FARS2: variants seen among roughly 807,000 people sequenced by gnomAD.
FARS2 encodes the protein phenylalanine--tRNA ligase, mitochondrial.
FARS2 carries 40 observed loss-of-function variants against 46.4 expected under a neutral mutation model. That is an observed-to-expected ratio of 0.86 (90% CI 0.67 to 1.12). FARS2 has a LOEUF of 1.12. Among genes scored for constraint, FARS2 ranks in the 50% most tolerant of loss-of-function variants. FARS2 has a pLI of 0.00. For missense variants in FARS2, 513 were observed against 567.9 expected (o/e 0.90, Z 0.98); for synonymous variants, 234 against 214.9 (o/e 1.09, Z -0.78).
intron 4 of FARS2, among the ~76,000 whole-genome samples, chr6:5,443,417 A>G (rs1387746803): frequency 6.6e-6 from 1 of 152,240 alleles, no homozygotes; most frequent in African/African-American, 2.4e-5. Flanking sequence ...ACTGTCTGCT[A>G]TGAGAAGAAT....
chr6:5,386,925 A>G (rs1760170794), intron 2 of FARS2, among the ~76,000 whole-genome samples: 2 of 152,292 alleles, frequency 1.3e-5, no homozygotes, highest in Middle Eastern at 3.4e-3. Context: ...AGTTGGAGCT[A>G]TCAGTTTAGC....
chr6:5,685,371 G>A (rs920999913), intron 6 of FARS2, among the ~76,000 whole-genome samples: 1 of 152,166 alleles, frequency 6.6e-6, no homozygotes, highest in Non-Finnish European at 1.5e-5. Flanking sequence ...TCCAATGGCT[G>A]GCTTCAGAAC....
intron 3 of FARS2, among the ~76,000 whole-genome samples, chr6:5,408,356 G>A (rs1761736690): frequency 6.6e-6 from 1 of 152,064 alleles, no homozygotes; most frequent in African/African-American, 2.4e-5. Context: ...AGAAGAATGG[G>A]GTGAAAAATG....
chr6:5,670,712 A>G (rs1274925653), intron 6 of FARS2, among the ~76,000 whole-genome samples: 1 of 152,226 alleles, frequency 6.6e-6, no homozygotes, highest in Non-Finnish European at 1.5e-5. Context: ...ATTAGTATGC[A>G]CAGCACTGAA....
intron 4 of FARS2, among the ~76,000 whole-genome samples, chr6:5,463,755 C>T (rs1031769933): frequency 3.3e-5 from 5 of 151,826 alleles, no homozygotes; most frequent in Admixed American, 6.6e-5. Flanking sequence ...TTTCTGTTGC[C>T]CTGTGCATGA....
chr6:5,726,982 A>G (rs1210412711), intron 6 of FARS2, among the ~76,000 whole-genome samples: 1 of 152,228 alleles, frequency 6.6e-6, no homozygotes, highest in Non-Finnish European at 1.5e-5. Flanking sequence ...GCACAGTTCA[A>G]ATACCTTCGT....
At position 5,424,312 on chromosome 6, in the gene FARS2, A is replaced by C. The variant is rs114638101; in HGVS notation, c.773-6729A>C. The stretch of plus-strand genomic sequence containing the variant: ...TTTGGCAATATTTATTAAAATCATA[A>C]AAGCATTTACTCTTCAACTCAACAG... On this transcript the variant is annotated intron_variant, in intron 3 of 6. Transcript: ENST00000274680. Among the ~76,000 whole-genome samples, 676 of 152,328 alleles carry C rather than the reference A, an allele frequency of 4.4e-3. 3 individuals carry two copies. Among genetic ancestry groups the C allele is most frequent in the Non-Finnish European group, 6.3e-3 (428 of 68,018 alleles).
At chr6:5,390,047 G>A (rs1442831998) in intron 2 of FARS2, among the ~76,000 whole-genome samples, 1 of 151,952 alleles carries the variant, frequency 6.6e-6, no homozygotes, top group Non-Finnish European at 1.5e-5. Flanking sequence ...TATTTTTAGT[G>A]GAGATGGGGT....
intron 6 of FARS2, among the ~76,000 whole-genome samples, chr6:5,729,790 G>A (rs2150934483): frequency 6.6e-6 from 1 of 152,284 alleles, no homozygotes; most frequent in Non-Finnish European, 1.5e-5. Flanking sequence ...AGTATAAAAT[G>A]ACTCCTATGC....
intron 6 of FARS2, among the ~76,000 whole-genome samples, chr6:5,636,185 A>G (rs943103502): frequency 3.9e-5 from 6 of 152,196 alleles, no homozygotes; most frequent in African/African-American, 1.4e-4. Context: ...AACACTGGTT[A>G]TTGCTAACAA....
intron 5 of FARS2, among the ~76,000 whole-genome samples, chr6:5,601,923 G>A (rs1351868966): frequency 6.6e-6 from 1 of 152,206 alleles, no homozygotes; most frequent in African/African-American, 2.4e-5. Context: ...CGTGGCCATG[G>A]TTAGAAGCTG....
At chr6:5,551,379 T>C (rs1183659501) in intron 5 of FARS2, among the ~76,000 whole-genome samples, 1 of 152,228 alleles carries the variant, frequency 6.6e-6, no homozygotes, top group Non-Finnish European at 1.5e-5. Context: ...AGGTTTTCTC[T>C]ACCATGCTCC....
intron 1 of FARS2, among the ~76,000 whole-genome samples, chr6:5,306,941 T>TA (rs146240664): frequency 0.17 from 24,690 of 149,446 alleles, 3,003 homozygotes; most frequent in African/African-American, 0.35. Flanking sequence ...TCTGAAAAAC[T>TA]AAAAAAAAAA....
rs543041829 is a variant in FARS2 at position 5,299,431 on chromosome 6, T to C, written c.-22+37771T>C. ...GCCCCTTCTGGGCCCCTGGGATTTG[T>C]TTAAAATTACAGAGCTGTATCGGTA... On this transcript the variant is annotated intron_variant, in intron 1 of 6. Coordinates refer to ENST00000274680, the MANE Select transcript of FARS2 (RefSeq NM_006567.5). Among the ~76,000 whole-genome samples the C allele has an allele frequency of 2.6e-5, 4 of 152,356 alleles. No homozygotes were observed. In the South Asian group the frequency reaches 8.3e-4, roughly 32 times the overall value.
rs566949487 is a variant in FARS2, at chr6:5,333,816, G to A, written c.-21-34734G>A. On this transcript the variant is annotated intron_variant, in intron 1 of 6. Transcript: ENST00000274680. ...ATTCTCTATTGACTTGAGCTCTGCC[G>A]TTGTGCACTTTGTACATCATCTACC... 1.2e-4 allele frequency among the ~76,000 whole-genome samples: 18 copies of A among 152,242 alleles called. No homozygotes were observed. In the East Asian group the frequency reaches 2.7e-3, roughly 23 times the overall value.
At chr6:5,414,963 C>T (rs528041178) in intron 3 of FARS2, among the ~76,000 whole-genome samples, 3 of 151,694 alleles carry the variant, frequency 2.0e-5, no homozygotes, top group South Asian at 4.2e-4. Flanking sequence ...TACAGGCACC[C>T]GCCACCATGC....
intron 5 of FARS2, among the ~76,000 whole-genome samples, chr6:5,567,627 A>C (rs1161672317): frequency 1.3e-5 from 2 of 152,226 alleles, no homozygotes; most frequent in East Asian, 3.8e-4. Context: ...TAGGTCCTAC[A>C]TGTTAAGATT....
chr6:5,292,236 T>C (rs976476516), intron 1 of FARS2, among the ~76,000 whole-genome samples: 5 of 152,238 alleles, frequency 3.3e-5, no homozygotes, highest in Admixed American at 1.3e-4. Flanking sequence ...AAATAAATTA[T>C]GAAGGCAAAA....
rs115854452 is a variant in FARS2, at chr6:5,684,473, G to A, written c.1217+71153G>A. On this transcript the variant is annotated intron_variant, in intron 6 of 6. Coordinates refer to ENST00000274680, the MANE Select transcript of FARS2 (RefSeq NM_006567.5). ...TCTCTGAGGATTTCTGCCAACTAAG[G>A]TGATTCGCTTGTTTTCATGATCACT... 2.3e-3 allele frequency among the ~76,000 whole-genome samples: 356 copies of A among 152,280 alleles called. 2 individuals carry two copies. The highest frequency in any genetic ancestry group is 8.2e-3 in the African/African-American group (342 of 41,556).
Sources: allele counts gnomAD v4.1 joint callset (sites outside exome capture counted in the v4.1 genomes callset), GRCh38; gene constraint gnomAD v4.1.1; transcripts MANE v1.5; gene names NCBI Gene and HGNC (gene_info 2026-07-23, HGNC 2026-07-21).